Variants in TMEM131 observed in about 807,000 individuals in gnomAD.
TMEM131 encodes the protein 2610524E03Rik.
A neutral mutation model predicts 211.6 loss-of-function variants in TMEM131; 66 were observed. The observed-to-expected ratio is 0.31, with a 90% CI of 0.26 to 0.38. TMEM131 has a LOEUF of 0.38. Among genes scored for constraint, TMEM131 ranks in the 10% least tolerant of loss-of-function variants. The pLI is 1.00. For missense variants in TMEM131, 2,036 were observed against 2,299.3 expected (o/e 0.89, Z 2.34); for synonymous variants, 844 against 841.3 (o/e 1.00, Z -0.06).
intron 5 of TMEM131, among the ~76,000 whole-genome samples, chr2:97,847,182 G>A (rs930206213): frequency 6.7e-6 from 1 of 150,260 alleles, no homozygotes; most frequent in Non-Finnish European, 1.5e-5. Flanking sequence ...AGTGAGATTC[G>A]GTCTCAAAAA....
intron 28 of TMEM131, among the ~76,000 whole-genome samples, 163 bp downstream of exon 28, chr2:97,796,055 T>C (rs573788501): frequency 2.0e-3 from 302 of 152,214 alleles, no homozygotes; most frequent in Non-Finnish European, 3.5e-3. Context: ...ATTTACAACT[T>C]TGAAAACTAA....
intron 7 of TMEM131, among the ~76,000 whole-genome samples, chr2:97,839,422 T>C (rs544381269): frequency 4.6e-5 from 7 of 151,854 alleles, no homozygotes; most frequent in Admixed American, 2.6e-4. Context: ...AATAAAGAAA[T>C]AGAGACAGAA....
At chr2:97,841,342 T>TA (rs1315656273) in intron 7 of TMEM131, among the ~76,000 whole-genome samples, 3 of 152,280 alleles carry the variant, frequency 2.0e-5, no homozygotes, top group East Asian at 1.9e-4. Flanking sequence ...ATTTTTTAAA[T>TA]AAAAAAACAA....
chr2:97,756,918 A>C lies in TMEM131; in HGVS notation c.*181T>G, dbSNP rs1678514281. 1 of 652,570 alleles carries C rather than the reference A, an allele frequency of 1.5e-6. No homozygotes were observed. 40.4% of individuals were successfully genotyped at this position (652,570 alleles called of 1,614,324 possible). On this transcript the variant is annotated 3_prime_UTR_variant, in exon 41 of 41. Transcript: ENST00000186436. The stretch of plus-strand genomic sequence containing the variant: ...GCACAACAGCAAATCTCATGTTATC[A>C]TAATTGCAAGAAAGATCTGAAAGAA...
At chr2:97,832,946 A>G (rs1311669527) in intron 11 of TMEM131, among the ~76,000 whole-genome samples, 1 of 152,178 alleles carries the variant, frequency 6.6e-6, no homozygotes, top group African/African-American at 2.4e-5. Context: ...ACCACTACCT[A>G]CAACATTTTT....
chr2:97,850,656 TGAAA>T (rs1673586666), intron 5 of TMEM131, among the ~76,000 whole-genome samples: 1 of 151,842 alleles, frequency 6.6e-6, no homozygotes, highest in Non-Finnish European at 1.5e-5. Context: ...AAATAAAAGT[TGAAA>T]GAAAAAAAAC....
At chr2:97,808,260 T>G (rs769206819) in intron 19 of TMEM131, among the ~76,000 whole-genome samples, 7 of 152,190 alleles carry the variant, frequency 4.6e-5, no homozygotes, top group Non-Finnish European at 1.0e-4. Flanking sequence ...TTTGGGAACA[T>G]TTTGGATTTC....
intron 31 of TMEM131, among the ~76,000 whole-genome samples, chr2:97,779,833 A>C (rs1679911975): frequency 6.6e-6 from 1 of 152,172 alleles, no homozygotes; most frequent in Non-Finnish European, 1.5e-5. Flanking sequence ...TGGGTAAAAT[A>C]GTGAGACTTC....
At chr2:97,881,459 C>T (rs1187975301) in intron 4 of TMEM131, among the ~76,000 whole-genome samples, 27 of 151,878 alleles carry the variant, frequency 1.8e-4, no homozygotes, top group Admixed American at 1.6e-3. Context: ...CCTCCCACCT[C>T]GGCCTCCCAT....
intron 2 of TMEM131, among the ~76,000 whole-genome samples, chr2:97,909,260 G>C (rs1021198403): frequency 6.6e-6 from 1 of 152,136 alleles, no homozygotes; most frequent in African/African-American, 2.4e-5. Context: ...CAGTGGGATG[G>C]ATGGTGGTAG....
At chr2:97,915,344 C>A (rs192873882) in intron 2 of TMEM131, among the ~76,000 whole-genome samples, 2 of 152,038 alleles carry the variant, frequency 1.3e-5, no homozygotes, top group East Asian at 1.9e-4. Context: ...TTTTGTGAGA[C>A]CAGTCTGGCT....
At chr2:97,954,291 AC>A (rs1678460256) in intron 1 of TMEM131, among the ~76,000 whole-genome samples, 1 of 152,260 alleles carries the variant, frequency 6.6e-6, no homozygotes, top group South Asian at 2.1e-4. Flanking sequence ...AAAGGTGAAG[AC>A]ACAAAGCACA....
chr2:97,988,614 G>A (rs1334699691), intron 1 of TMEM131, among the ~76,000 whole-genome samples: 6 of 152,122 alleles, frequency 3.9e-5, no homozygotes, highest in Admixed American at 3.3e-4. Context: ...GGCAAAGGAC[G>A]TGAATAGACA....
At chr2:97,802,214 A>G (rs528792155) in intron 24 of TMEM131, among the ~76,000 whole-genome samples, 2 of 152,314 alleles carry the variant, frequency 1.3e-5, no homozygotes, top group Admixed American at 6.5e-5. Context: ...AGGGAGTTCC[A>G]TATTACTTTT....
chr2:97,935,553 G>A (rs567655496), intron 1 of TMEM131, among the ~76,000 whole-genome samples: 43 of 152,222 alleles, frequency 2.8e-4, no homozygotes, highest in African/African-American at 9.9e-4. Flanking sequence ...TTAAGATAAT[G>A]AAATTTAATT....
At chr2:97,757,525 G>T in intron 40 of TMEM131, 142 bp from the exon 41 acceptor site, 1 of 955,770 alleles carries the variant, frequency 1.0e-6, no homozygotes, top group Non-Finnish European at 1.5e-6. Flanking sequence ...TTATATATAT[G>T]TATTTGAGCA....
chr2:97,835,091 T>C (rs1682877479), intron 8 of TMEM131, among the ~76,000 whole-genome samples, 166 bp from the exon 9 acceptor site: 1 of 152,236 alleles, frequency 6.6e-6, no homozygotes, highest in African/African-American at 2.4e-5. Context: ...ACTCCATTTC[T>C]GGAGAACTTT....
chr2:97,986,695 G>A (rs1680042650), intron 1 of TMEM131, among the ~76,000 whole-genome samples: 1 of 152,136 alleles, frequency 6.6e-6, no homozygotes, highest in Non-Finnish European at 1.5e-5. Flanking sequence ...TTCTGAAAGA[G>A]ACATTACCTC....
At chr2:97,901,621 T>A (rs1024583648) in intron 3 of TMEM131, among the ~76,000 whole-genome samples, 21 of 152,150 alleles carry the variant, frequency 1.4e-4, no homozygotes, top group African/African-American at 5.1e-4. Flanking sequence ...AATAAAATCC[T>A]GTTATTTTCA....
Sources: gnomAD v4.1 joint callset for allele counts (sites outside exome capture counted in the v4.1 genomes callset) on GRCh38, gnomAD v4.1.1 for gene constraint, MANE v1.5 for transcripts, NCBI Gene and HGNC (gene_info 2026-07-23, HGNC 2026-07-21) for gene names.